Variants in ELOVL2 observed in about 807,000 individuals in gnomAD.
ELOVL2 encodes ELOVL fatty acid elongase 2, also known as very long chain fatty acid elongase 2.
In ELOVL2, 38 loss-of-function variants were observed where a neutral mutation model predicts 37.7. The ratio of observed to expected loss-of-function variants is 1.01; its 90% CI spans 0.78 to 1.32. The LOEUF is 1.32. Among genes scored for constraint, ELOVL2 ranks in the 40% most tolerant of loss-of-function variants. ELOVL2 has a pLI of 0.00. For synonymous variants in ELOVL2, 115 were observed against 122.3 expected (o/e 0.94, Z 0.40); for missense variants, 352 against 363.6 (o/e 0.97, Z 0.26).
At chr6:11,036,123 G>A (rs1164050444) in intron 1 of ELOVL2, among the ~76,000 whole-genome samples, 1 of 152,216 alleles carries the variant, frequency 6.6e-6, no homozygotes, top group Non-Finnish European at 1.5e-5. Context: ...AAGTACTGAT[G>A]AGATTAGTGT....
At chr6:11,043,477 C>CACACACACACACA (rs1363447265) in intron 1 of ELOVL2, 3 of 154,802 alleles carry the variant, frequency 1.9e-5, no homozygotes, top group African/African-American at 7.3e-5. Context: ...AACACACACA[C>CACACACACACACA]ACACACACAC....
At chr6:11,004,414 CTCT>C (rs1445133245) in intron 3 of ELOVL2, among the ~76,000 whole-genome samples, 1 of 145,662 alleles carries the variant, frequency 6.9e-6, no homozygotes, top group Non-Finnish European at 1.5e-5. Context: ...CTCTTTGTCC[CTCT>C]TTTTTTTTTT....
chr6:11,035,090 T>G (rs1294756661), intron 1 of ELOVL2, among the ~76,000 whole-genome samples: 1 of 152,208 alleles, frequency 6.6e-6, no homozygotes, highest in Non-Finnish European at 1.5e-5. Flanking sequence ...AACAGCCTTG[T>G]CCATAAATTG....
intron 1 of ELOVL2, among the ~76,000 whole-genome samples, chr6:11,028,436 C>T (rs927739309): frequency 6.6e-5 from 10 of 152,140 alleles, no homozygotes; most frequent in Non-Finnish European, 1.3e-4. Context: ...TGGGTGGCTT[C>T]CGTCCAGAGA....
At chr6:11,013,879 A>AG (rs1782625937) in intron 1 of ELOVL2, among the ~76,000 whole-genome samples, 2 of 151,946 alleles carry the variant, frequency 1.3e-5, no homozygotes, top group South Asian at 2.1e-4. Context: ...AAAAAAAAAA[A>AG]AAAAATCCTT....
chr6:11,005,587 C>G, intron 2 of ELOVL2, 28 bp from the exon 3 acceptor site: 4 of 1,588,644 alleles, frequency 2.5e-6, no homozygotes, highest in Non-Finnish European at 3.4e-6. Flanking sequence ...CAGTGAGGAT[C>G]CTGAGGAATG....
intron 1 of ELOVL2, among the ~76,000 whole-genome samples, chr6:11,025,108 C>G (rs1350203457): frequency 6.6e-6 from 1 of 152,140 alleles, no homozygotes; most frequent in Non-Finnish European, 1.5e-5. Context: ...CTCATAAATT[C>G]TAGCAGCCAC....
chr6:11,001,616 T>G (rs933819677), intron 3 of ELOVL2, among the ~76,000 whole-genome samples: 3 of 152,226 alleles, frequency 2.0e-5, no homozygotes, highest in Non-Finnish European at 4.4e-5. Context: ...ATAGAGTAAC[T>G]CCTGACTGTG....
At chr6:11,013,875 A>AG (rs1402890424) in intron 1 of ELOVL2, among the ~76,000 whole-genome samples, 1 of 151,774 alleles carries the variant, frequency 6.6e-6, no homozygotes, top group Non-Finnish European at 1.5e-5. Context: ...AAGCAAAAAA[A>AG]AAAAAAAAAT....
At chr6:11,039,300 C>A (rs181620814) in intron 1 of ELOVL2, among the ~76,000 whole-genome samples, 1 of 152,216 alleles carries the variant, frequency 6.6e-6, no homozygotes, top group African/African-American at 2.4e-5. Flanking sequence ...CAGTGCCTTT[C>A]GTTTTCTCCC....
In ELOVL2 at chr6:10,982,454, C is replaced by G. The variant is rs1781956224; in HGVS notation, c.*1327G>C. On this transcript the variant is annotated 3_prime_UTR_variant, in exon 8 of 8. Transcript: ENST00000354666. ...GATGAAGTGACTTCATCGAAGCTAACAAGTTTTATTTTATAGGGTATAAAT... is the reference window on the plus strand; with the variant it reads ...GATGAAGTGACTTCATCGAAGCTAAGAAGTTTTATTTTATAGGGTATAAAT... The G allele has an allele frequency of 6.6e-6, 1 of 152,110 alleles. No homozygotes were observed. Among genetic ancestry groups the G allele is most frequent in the Non-Finnish European group, 1.5e-5 (1 of 68,006 alleles). 9.4% of individuals were successfully genotyped at this position (152,110 alleles called of 1,614,324 possible). A position where few individuals can be genotyped will look rare whatever the true frequency, so the allele number is the denominator to read the frequency against.
intron 7 of ELOVL2, among the ~76,000 whole-genome samples, chr6:10,986,990 T>C (rs905318266): frequency 1.3e-5 from 2 of 152,198 alleles, no homozygotes; most frequent in Non-Finnish European, 2.9e-5. Context: ...GGACTCTTTT[T>C]GGTTGGTAAG....
rs1412548242 is a variant in ELOVL2 at position 11,029,058 on chromosome 6, A to C, written c.3+15170T>G. Among the ~76,000 whole-genome samples, 8 of 30,658 alleles carry C rather than the reference A, an allele frequency of 2.6e-4. No individual in the cohort carries two copies. In the East Asian group the frequency reaches 0.066, roughly 251 times the overall value. 20.1% of individuals were successfully genotyped at this position (30,658 alleles called of 152,430 possible). Reference sequence around the variant, plus strand: ...CAACACGGCAAAACTTTGTCTCTACAAAAAAAAAAAAAAAAAAAAAAAAGC... The same window carrying C: ...CAACACGGCAAAACTTTGTCTCTACCAAAAAAAAAAAAAAAAAAAAAAAGC... On this transcript the variant is annotated intron_variant, in intron 1 of 7. Transcript: ENST00000354666.
chr6:11,039,171 CAG>C (rs1319715474), intron 1 of ELOVL2, among the ~76,000 whole-genome samples: 3 of 152,200 alleles, frequency 2.0e-5, no homozygotes, highest in African/African-American at 7.2e-5. Context: ...AATCTTGTGA[CAG>C]AGATAATACA....
chr6:11,037,746 A>G (rs1455041624), intron 1 of ELOVL2, among the ~76,000 whole-genome samples: 2 of 152,202 alleles, frequency 1.3e-5, no homozygotes, highest in Non-Finnish European at 2.9e-5. Flanking sequence ...TCAGTGGATT[A>G]AGTTTGATAA....
At chr6:11,018,736 G>T (rs1303775754) in intron 1 of ELOVL2, among the ~76,000 whole-genome samples, 1 of 152,100 alleles carries the variant, frequency 6.6e-6, no homozygotes, top group East Asian at 1.9e-4. Flanking sequence ...TATAATTAAA[G>T]GATTGATTTT....
intron 6 of ELOVL2, 74 bp from the exon 7 acceptor site, chr6:10,989,911 C>T: frequency 6.4e-7 from 1 of 1,565,498 alleles, no homozygotes; most frequent in Non-Finnish European, 8.7e-7. Context: ...CAAGCTTGAT[C>T]AATTCAGAAA....
Position 11,027,380 on chromosome 6 carries a change from A to T in ELOVL2, c.4-16571T>A, listed in dbSNP as rs142004486. 4.5e-3 allele frequency among the ~76,000 whole-genome samples: 687 copies of T among 152,234 alleles called. 12 individuals are homozygous for T. Among genetic ancestry groups the T allele is most frequent in the Non-Finnish European group, 3.4e-3 (231 of 68,006 alleles). The stretch of plus-strand genomic sequence containing the variant: ...CTTATTGGCTCTCGTCATATGGGAG[A>T]GTCATGGACTTTTTAACTCTCCACC... On this transcript the variant is annotated intron_variant, in intron 1 of 7. Transcript: ENST00000354666.
At position 10,984,962 on chromosome 6, in the gene ELOVL2, T is replaced by G. The variant is rs371188889; in HGVS notation, c.766-1056A>C. On this transcript the variant is annotated intron_variant, in intron 7 of 7. Transcript: ENST00000354666. ...CTGACTTCCACAAGGGTTGAACTAGTTTACAGTGTAAACACCAACAGTGTA... is the reference window on the plus strand; with the variant it reads ...CTGACTTCCACAAGGGTTGAACTAGGTTACAGTGTAAACACCAACAGTGTA... Among the ~76,000 whole-genome samples the G allele has an allele frequency of 7.0e-4, 107 of 152,262 alleles. No individual in the cohort carries two copies. The South Asian group carries it at 0.014, about 20-fold the overall frequency.
Sources: allele counts gnomAD v4.1 joint callset (sites outside exome capture counted in the v4.1 genomes callset), GRCh38; gene constraint gnomAD v4.1.1; transcripts MANE v1.5; gene names NCBI Gene and HGNC (gene_info 2026-07-23, HGNC 2026-07-21).